IL17RC: variants seen among roughly 807,000 people sequenced by gnomAD.
The protein encoded by IL17RC is interleukin 17 receptor C, also known as interleukin-17 receptor C.
IL17RC carries 53 observed loss-of-function variants against 86.7 expected under a neutral mutation model. The ratio of observed to expected loss-of-function variants is 0.61; its 90% CI spans 0.49 to 0.77. The LOEUF (loss-of-function observed/expected upper bound fraction) is 0.77, where lower values mean the gene tolerates loss of function less well. IL17RC is among the 30% of genes least tolerant of loss of function. The probability of loss-of-function intolerance (pLI) is 0.00; values close to 1 mark genes in which losing one functional copy is unlikely to be tolerated. For synonymous variants in IL17RC, 439 were observed against 413.1 expected (o/e 1.06, Z -0.76); for missense variants, 957 against 940.0 (o/e 1.02, Z -0.24).
rs780745833 is a variant in IL17RC, at chr3:9,932,715, C to T, written c.1483+12C>T. On this transcript the variant is annotated intron_variant, in intron 17 of 18. Coordinates refer to ENST00000403601, the MANE Select transcript of IL17RC (RefSeq NM_153460.4). ...GGATCACGCGAAAGGTGAGCGCTTCCCGGCTCCCCATTCCCCTGGGGGAGG... is the reference window on the plus strand; with the variant it reads ...GGATCACGCGAAAGGTGAGCGCTTCTCGGCTCCCCATTCCCCTGGGGGAGG... 5 of 1,614,002 alleles carry T rather than the reference C, an allele frequency of 3.1e-6. No homozygotes were observed. In the South Asian group the frequency reaches 4.4e-5, roughly 14 times the overall value.
chr3:9,928,069 T>C, intron 9 of IL17RC, 97 bp from the exon 10 acceptor site: 1 of 1,171,466 alleles, frequency 8.5e-7, no homozygotes, highest in East Asian at 2.4e-5. Context: ...CAAGTGTTTG[T>C]GAAATACCTG....
At position 9,930,737 on chromosome 3, in the gene IL17RC, G is replaced by C. The variant is rs1394614663; in HGVS notation, c.1339-158G>C. ...TTGGTATGGAAGAAGTCATACCCTAGTCAGTGGGCACAGCACAAAGGCAGA... is the reference window on the plus strand; with the variant it reads ...TTGGTATGGAAGAAGTCATACCCTACTCAGTGGGCACAGCACAAAGGCAGA... On this transcript the variant is annotated intron_variant, in intron 15 of 18. Coordinates refer to ENST00000403601, the MANE Select transcript of IL17RC (RefSeq NM_153460.4). This position sits in a 1 kb window ranked among gnomAD's most constrained non-coding sequence, Gnocchi z 5.8. 1 of 764,256 alleles carries C rather than the reference G, an allele frequency of 1.3e-6. No individual in the cohort carries two copies. The highest frequency in any genetic ancestry group is 2.0e-5 in the Admixed American group (1 of 51,236). The allele number at this position is 764,256 out of a possible 1,614,324, so 47.3% of individuals were successfully genotyped here.
Position 9,920,501 on chromosome 3 carries a change from T to G in IL17RC, c.476T>G (p.Val159Gly). The G allele has an allele frequency of 6.3e-7, 1 of 1,596,808 alleles. No individual in the cohort carries two copies. Among genetic ancestry groups the G allele is most frequent in the Non-Finnish European group, 8.6e-7 (1 of 1,169,404 alleles). The part of the protein sequence containing the change: ...VQFGQSVGSV[V>G]YDCFEAALGS... ...CCCCTCTCCTCACAGGGCTCTGTGG[T>G]ATATGACTGCTTCGAGGCTGCCCTA... The change falls in exon 6 of 19, where the codon GTA becomes GGA. Residue 159 changes from valine to glycine, a missense_variant. Coordinates refer to ENST00000403601, the MANE Select transcript of IL17RC (RefSeq NM_153460.4).
In IL17RC at chr3:9,933,527, G is replaced by A. The variant is rs780943207; in HGVS notation, c.2097G>A (p.Pro699=). The A allele has an allele frequency of 3.1e-6, 5 of 1,607,094 alleles. No homozygotes were observed. The highest frequency in any genetic ancestry group is 1.7e-4 in the Middle Eastern group (1 of 6,056). The change falls in exon 19 of 19, where the codon CCG becomes CCA. Residue 699 remains proline (P), a synonymous_variant. Coordinates refer to ENST00000403601, the MANE Select transcript of IL17RC (RefSeq NM_153460.4). The part of the protein sequence containing the change: ...QPALDSYFHP[P]GTPAPGRGVG... The stretch of plus-strand genomic sequence containing the variant: ...CCCTGGATAGCTACTTCCATCCCCC[G>A]GGGACTCCCGCGCCGGGACGCGGGG...
chr3:9,930,310 C>G lies in IL17RC; in HGVS notation c.1279-90C>G. 1 of 1,542,608 alleles carries G rather than the reference C, an allele frequency of 6.5e-7. No homozygotes were observed. Among genetic ancestry groups the G allele is most frequent in the Non-Finnish European group, 8.9e-7 (1 of 1,119,002 alleles). On this transcript the variant is annotated intron_variant, in intron 14 of 18. Transcript: ENST00000403601. This position sits in a 1 kb window ranked among gnomAD's most constrained non-coding sequence, Gnocchi z 5.8. ...CATCACCAAAGTCTCCCAGTCCCCT[C>G]TACCTCATTCTACCCAGCTGTAGCC...
chr3:9,922,957 C>T (rs1431612375), intron 7 of IL17RC, among the ~76,000 whole-genome samples: 5 of 151,728 alleles, frequency 3.3e-5, no homozygotes, highest in African/African-American at 4.8e-5. Context: ...TGGCGGATCA[C>T]GAGGTCAGGA....
intron 12 of IL17RC, chr3:9,929,554 G>A (rs1467112697): frequency 3.0e-5 from 13 of 438,432 alleles, no homozygotes; most frequent in Non-Finnish European, 5.4e-5. Flanking sequence ...TTTTAGCAGG[G>A]TGGTCATGTG....
intron 7 of IL17RC, among the ~76,000 whole-genome samples, chr3:9,922,756 A>G (rs193153228): frequency 1.3e-5 from 2 of 152,268 alleles, no homozygotes; most frequent in Admixed American, 1.3e-4. Context: ...TGTAGAGGTC[A>G]GGGATGGTCT....
Position 9,930,052 on chromosome 3 carries a change from A to T in IL17RC, c.1181A>T (p.Asp394Val). 6.2e-7 allele frequency: 1 copy of T among 1,614,018 alleles called. No individual in the cohort carries two copies. Among genetic ancestry groups the T allele is most frequent in the Non-Finnish European group, 8.5e-7 (1 of 1,180,002 alleles). The stretch of plus-strand genomic sequence containing the variant: ...GACTCCCTGGGGCCTCTCAAAGACG[A>T]TGTGCTACTGTTGGAGACACGAGGC... ...WADSLGPLKD[D>V]VLLLETRGPQ... Residue 394 changes from aspartate to valine, a missense_variant, in exon 14 of 19, where the codon GAT (aspartate) becomes GTT (valine). By Grantham distance (152) the Asp-to-Val change is radical. Coordinates refer to ENST00000403601, the MANE Select transcript of IL17RC (RefSeq NM_153460.4). This position sits in a 1 kb window ranked among gnomAD's most constrained non-coding sequence, Gnocchi z 5.8.
intron 7 of IL17RC, 134 bp from the exon 8 acceptor site, chr3:9,923,746 CT>C: frequency 1.0e-6 from 1 of 971,002 alleles, no homozygotes; most frequent in Non-Finnish European, 1.5e-6. Flanking sequence ...AAAGTCTGGT[CT>C]GAAATGATGA....
Position 9,933,394 on chromosome 3 carries a change from T to G in IL17RC, c.1964T>G (p.Leu655Arg). Residue 655 changes from leucine (L) to arginine (R), a missense_variant, in exon 19 of 19, where the codon CTG becomes CGG. Leu to Arg is a moderately radical substitution (Grantham distance 102). Coordinates refer to ENST00000403601, the MANE Select transcript of IL17RC (RefSeq NM_153460.4). The part of the protein sequence containing the change: ...ALFRTVPVFT[L>R]PSQLPDFLGA... ...TTCCGCACCGTGCCCGTCTTCACAC[T>G]GCCCTCCCAACTGCCAGACTTCCTG... 1.2e-6 allele frequency: 2 copies of G among 1,613,212 alleles called. No individual in the cohort carries two copies. Among genetic ancestry groups the G allele is most frequent in the South Asian group, 2.2e-5 (2 of 91,002 alleles).
intron 9 of IL17RC, among the ~76,000 whole-genome samples, chr3:9,924,595 G>A (rs2083892167): frequency 6.6e-6 from 1 of 152,134 alleles, no homozygotes; most frequent in Non-Finnish European, 1.5e-5. Flanking sequence ...CCCCTGGCGG[G>A]CAGAGCATGT....
chr3:9,927,637 C>T (rs2084210910), intron 9 of IL17RC, among the ~76,000 whole-genome samples: 1 of 152,058 alleles, frequency 6.6e-6, no homozygotes, highest in East Asian at 1.9e-4. Context: ...ATGGTAGGCA[C>T]TCATTAAAAG....
chr3:9,922,019 C>G (rs1338017243), intron 7 of IL17RC, among the ~76,000 whole-genome samples: 1 of 133,190 alleles, frequency 7.5e-6, no homozygotes, highest in East Asian at 2.1e-4. Flanking sequence ...GTGGTGTGAT[C>G]TCAGCTCACT....
chr3:9,920,291 TCTTA>T, intron 5 of IL17RC, 196 bp from the exon 6 acceptor site: 1 of 559,434 alleles, frequency 1.8e-6, no homozygotes, highest in South Asian at 2.3e-5. Context: ...CTGGTGACAC[TCTTA>T]CTGAGGACAT....
At chr3:9,922,603 C>T (rs536643624) in intron 7 of IL17RC, among the ~76,000 whole-genome samples, 13 of 152,116 alleles carry the variant, frequency 8.5e-5, no homozygotes, top group Non-Finnish European at 1.6e-4. Flanking sequence ...ACAAAAAACC[C>T]GACCCCACGG....
At chr3:9,932,151 A>G (rs2084777958) in intron 16 of IL17RC, among the ~76,000 whole-genome samples, 1 of 152,194 alleles carries the variant, frequency 6.6e-6, no homozygotes, top group African/African-American at 2.4e-5. Flanking sequence ...AGACCCCTAA[A>G]CAGATGGAGC....
At chr3:9,929,922 G>A (rs1164154886) in intron 13 of IL17RC, 25 bp downstream of exon 13, 2 of 1,614,016 alleles carry the variant, frequency 1.2e-6, no homozygotes, top group Admixed American at 1.7e-5. Flanking sequence ...GGGGCAGCTG[G>A]GGCAGGGCCA....
chr3:9,917,449 A>C, intron 1 of IL17RC, 29 bp downstream of exon 1: 1 of 1,614,192 alleles, frequency 6.2e-7, no homozygotes, highest in Non-Finnish European at 8.5e-7. Flanking sequence ...GGAGACGAGG[A>C]AAGGCTCAGG....
Sources: gnomAD v4.1 joint callset for allele counts (sites outside exome capture counted in the v4.1 genomes callset) on GRCh38, gnomAD v4.1.1 for gene constraint, Gnocchi (gnomAD v3.1) non-coding constraint, MANE v1.5 for transcripts, NCBI Gene and HGNC (gene_info 2026-07-23, HGNC 2026-07-21) for gene names.